The following REV1 variants were observed in gnomAD, a reference collection of about 807,000 sequenced individuals.
The protein encoded by REV1 is REV1 DNA directed polymerase, also known as translesion synthesis protein REV1.
Under a neutral mutation model 137.4 loss-of-function variants are expected in REV1, and 42 were observed. The observed-to-expected ratio is 0.31, with a 90% CI of 0.24 to 0.40. The LOEUF is 0.40. Ranked by LOEUF, REV1 falls within the 10% of genes least tolerant of loss-of-function variation. The probability of loss-of-function intolerance (pLI) is 1.00; values close to 1 mark genes in which losing one functional copy is unlikely to be tolerated. For synonymous variants in REV1, 524 were observed against 519.2 expected, an observed-to-expected ratio of 1.01 and a Z score of -0.12; for missense variants, 1,282 against 1,490.1, an observed-to-expected ratio of 0.86 and a Z score of 2.30.
chr2:99,404,745 C>CAA, intron 17 of REV1, 68 bp from the exon 18 acceptor site: 1 of 1,039,180 alleles, frequency 9.6e-7, no homozygotes, highest in Non-Finnish European at 1.5e-6. Flanking sequence ...TGGGAGTTAA[C>CAA]ACGCCACTTT....
intron 1 of REV1, among the ~76,000 whole-genome samples, chr2:99,471,825 C>T (rs1436092141): frequency 6.8e-6 from 1 of 147,822 alleles, no homozygotes; most frequent in Non-Finnish European, 1.5e-5. Context: ...TCATTAATCA[C>T]TATGGAAATG....
At chr2:99,459,110 A>G (rs1002935797) in intron 3 of REV1, among the ~76,000 whole-genome samples, 8 of 151,990 alleles carry the variant, frequency 5.3e-5, no homozygotes, top group Non-Finnish European at 1.2e-4. Flanking sequence ...CGGGAGGCTG[A>G]GGCAGGAGAA....
chr2:99,477,180 G>A (rs1686073626), intron 1 of REV1, among the ~76,000 whole-genome samples: 1 of 152,186 alleles, frequency 6.6e-6, no homozygotes, highest in South Asian at 2.1e-4. Context: ...CTTAGCAGGA[G>A]GCAGAGTGGG....
intron 15 of REV1, chr2:99,406,768 T>G (rs1676350261): frequency 4.2e-6 from 1 of 237,896 alleles, no homozygotes; most frequent in Admixed American, 5.5e-5. Context: ...ACAAGTGGAA[T>G]ACTGTATTCC....
intron 12 of REV1, 152 bp from the exon 13 acceptor site, chr2:99,413,103 A>G: frequency 1.6e-6 from 1 of 633,676 alleles, no homozygotes; most frequent in Non-Finnish European, 2.7e-6. Context: ...CAGGCTGAAG[A>G]ATTTTTTGGT....
chr2:99,438,462 T>G, intron 6 of REV1, 139 bp downstream of exon 6: 1 of 624,070 alleles, frequency 1.6e-6, no homozygotes, highest in South Asian at 2.1e-5. Context: ...TATGTTATGC[T>G]TACTGTAACT....
intron 8 of REV1, among the ~76,000 whole-genome samples, chr2:99,433,280 A>G (rs1054611627): frequency 6.6e-6 from 1 of 152,232 alleles, no homozygotes; most frequent in African/African-American, 2.4e-5. Flanking sequence ...CAGCTACTCC[A>G]CATCTACTCA....
In REV1 at chr2:99,456,124, G is replaced by A. The variant is rs1256439229; in HGVS notation, c.181+6372C>T. 2.6e-5 allele frequency among the ~76,000 whole-genome samples: 4 copies of A among 152,176 alleles called. No individual in the cohort carries two copies. The East Asian group carries it at 7.7e-4, about 29-fold the overall frequency. On this transcript the variant is annotated intron_variant, in intron 3 of 22. Transcript: ENST00000258428. The stretch of plus-strand genomic sequence containing the variant: ...AGCCTACCTCCCAGATTACAATGCA[G>A]GCCTCAAATGTGGCCCATTCCTTAA...
intron 1 of REV1, among the ~76,000 whole-genome samples, chr2:99,488,702 T>C (rs1031386379): frequency 6.6e-6 from 1 of 152,196 alleles, no homozygotes; most frequent in Admixed American, 6.5e-5. Context: ...GACAGATAGA[T>C]GGTTCCCACA....
At chr2:99,454,215 T>C (rs967180215) in intron 3 of REV1, among the ~76,000 whole-genome samples, 1 of 150,538 alleles carries the variant, frequency 6.6e-6, no homozygotes, top group East Asian at 2.0e-4. Flanking sequence ...CACAGCAAGA[T>C]CCGTCTTTTA....
At position 99,429,872 on chromosome 2, in the gene REV1, C is replaced by T; in HGVS notation, c.1515G>A (p.Arg505=). ...QANGIDSVLS[R]AEIASCSYEA... ...CATAACTACAAGATGCAATTTCAGC[C>T]CTTGACAAAACAGAATCAATTCCAT... The change falls in exon 9 of 23, where the codon AGG becomes AGA. Residue 505 remains arginine, a synonymous_variant. Coordinates refer to ENST00000258428, the MANE Select transcript of REV1 (RefSeq NM_016316.4). 32 of 1,604,276 alleles carry T rather than the reference C, an allele frequency of 2.0e-5. No homozygotes were observed. Among genetic ancestry groups the T allele is most frequent in the Non-Finnish European group, 2.6e-5 (31 of 1,175,562 alleles).
chr2:99,468,085 C>T (rs1279646793), intron 1 of REV1, among the ~76,000 whole-genome samples: 1 of 151,780 alleles, frequency 6.6e-6, no homozygotes, highest in Admixed American at 6.6e-5. Context: ...AAGGCTGAGG[C>T]AGGAGAATCG....
chr2:99,472,132 T>C (rs1402395655), intron 1 of REV1, among the ~76,000 whole-genome samples: 2 of 152,130 alleles, frequency 1.3e-5, no homozygotes, highest in African/African-American at 2.4e-5. Context: ...TTATTCACAA[T>C]AGCCAAAAGG....
At chr2:99,444,400 C>T (rs1368163472) in intron 4 of REV1, among the ~76,000 whole-genome samples, 1 of 152,158 alleles carries the variant, frequency 6.6e-6, no homozygotes, top group Non-Finnish European at 1.5e-5. Context: ...CTTTTCCTGC[C>T]CTACTGACAG....
intron 13 of REV1, 37 bp from the exon 14 acceptor site, chr2:99,410,904 C>A (rs1012336122): frequency 6.5e-7 from 1 of 1,531,174 alleles, no homozygotes; most frequent in Non-Finnish European, 8.8e-7. Context: ...TACCATTCCA[C>A]TTTCCTATAT....
chr2:99,424,308 G>A (rs1305504551), intron 9 of REV1, 28 bp from the exon 10 acceptor site: 2 of 1,600,406 alleles, frequency 1.2e-6, no homozygotes, highest in East Asian at 2.3e-5. Flanking sequence ...CACAATGGAG[G>A]TTATTCTAGG....
intron 9 of REV1, among the ~76,000 whole-genome samples, chr2:99,428,518 G>A (rs763708621): frequency 1.2e-4 from 19 of 152,178 alleles, no homozygotes; most frequent in Non-Finnish European, 2.4e-4. Context: ...GGCATGTCAT[G>A]AATGGAAAAC....
intron 1 of REV1, among the ~76,000 whole-genome samples, chr2:99,478,951 A>T (rs1686278382): frequency 6.6e-6 from 1 of 152,220 alleles, no homozygotes; most frequent in Admixed American, 6.5e-5. Flanking sequence ...TATACAGTAG[A>T]GAGAATGATG....
intron 1 of REV1, among the ~76,000 whole-genome samples, chr2:99,467,482 A>G (rs890764336): frequency 6.6e-6 from 1 of 152,182 alleles, no homozygotes; most frequent in Admixed American, 6.5e-5. Flanking sequence ...GAGGACAAAA[A>G]TCTTCAGAGA....
Sources: gnomAD v4.1 joint callset for allele counts (sites outside exome capture counted in the v4.1 genomes callset) on GRCh38, gnomAD v4.1.1 for gene constraint, MANE v1.5 for transcripts, NCBI Gene and HGNC (gene_info 2026-07-23, HGNC 2026-07-21) for gene names.